The following RNF130 variants were observed in gnomAD, a reference collection of about 807,000 sequenced individuals.
RNF130 encodes the protein E3 ubiquitin-protein ligase RNF130.
Under a neutral mutation model 44.6 loss-of-function variants are expected in RNF130, and 21 were observed. The ratio of observed to expected loss-of-function variants is 0.47; its 90% CI spans 0.33 to 0.68. RNF130 has a LOEUF of 0.68. Ranked by LOEUF, RNF130 falls within the 30% of genes least tolerant of loss-of-function variation. The probability of loss-of-function intolerance (pLI) is 0.02; values close to 1 mark genes in which losing one functional copy is unlikely to be tolerated. For missense variants in RNF130, 479 were observed against 560.6 expected (o/e 0.85, Z 1.47); for synonymous variants, 214 against 210.4 (o/e 1.02, Z -0.15).
downstream of RNF130, among the ~76,000 whole-genome samples, chr5:179,950,173 C>T (rs1762104942): frequency 6.6e-6 from 1 of 151,966 alleles, no homozygotes; most frequent in South Asian, 2.1e-4. Flanking sequence ...AGTGAAATGG[C>T]ATGATCTCAG....
At chr5:179,961,538 C>T (rs1463448251) in intron 8 of RNF130, among the ~76,000 whole-genome samples, 3 of 152,176 alleles carry the variant, frequency 2.0e-5, no homozygotes, top group African/African-American at 4.8e-5. Flanking sequence ...GATGCATGAA[C>T]TGAACATCAG....
chr5:179,927,773 G>A (rs1018549462), intron 7 of RNF130, among the ~76,000 whole-genome samples: 17 of 151,590 alleles, frequency 1.1e-4, no homozygotes, highest in African/African-American at 4.1e-4. Context: ...TGTATTTTTA[G>A]TAGAGATAGG....
intron 2 of RNF130, among the ~76,000 whole-genome samples, chr5:180,036,832 C>T (rs1043952757): frequency 2.5e-5 from 2 of 81,354 alleles, no homozygotes; most frequent in African/African-American, 9.8e-5. Context: ...TCTGTCTACC[C>T]CCACACTCAG....
intron 7 of RNF130, among the ~76,000 whole-genome samples, chr5:179,946,071 A>C (rs996667252): frequency 6.6e-6 from 1 of 152,206 alleles, no homozygotes; most frequent in South Asian, 2.1e-4. Flanking sequence ...CTGTCCTCCA[A>C]GGGACTTTTC....
intron 3 of RNF130, among the ~76,000 whole-genome samples, chr5:179,991,621 C>T (rs1238179555): frequency 6.6e-6 from 1 of 152,142 alleles, no homozygotes; most frequent in East Asian, 1.9e-4. Flanking sequence ...TCCACTTGAT[C>T]TAGATCAGTG....
rs116715504 is a variant in RNF130 at position 179,946,072 on chromosome 5, G to A, written c.1150+20734C>T. ...CCATCAGCGTTTCGCTGTCCTCCAA[G>A]GGACTTTTCAAATGCCATTTGGGCG... On this transcript the variant is annotated intron_variant, in intron 7 of 7. Coordinates refer to the RNF130 transcript ENST00000522208. Among the ~76,000 whole-genome samples, 496 of 152,340 alleles carry A rather than the reference G, an allele frequency of 3.3e-3. 4 individuals carry two copies. The highest frequency in any genetic ancestry group is 0.011 in the African/African-American group (464 of 41,576).
intron 1 of RNF130, among the ~76,000 whole-genome samples, chr5:180,057,308 G>T (rs578213133): frequency 1.8e-4 from 28 of 152,342 alleles, no homozygotes; most frequent in Middle Eastern, 3.4e-3. Flanking sequence ...CAGCACTTTG[G>T]GAGGCCGAGG....
intron 1 of RNF130, among the ~76,000 whole-genome samples, chr5:180,061,974 G>A (rs918643693): frequency 3.9e-5 from 6 of 151,982 alleles, no homozygotes; most frequent in East Asian, 1.9e-4. Context: ...GTCAGAGCCC[G>A]CTGTCTGCTT....
chr5:180,019,371 G>A (rs10045755), intron 2 of RNF130, among the ~76,000 whole-genome samples: 100,335 of 149,518 alleles, frequency 0.67, 33,947 homozygotes, highest in African/African-American at 0.75. Context: ...GCGACAGAGC[G>A]AGACTCTGTC....
intron 1 of RNF130, among the ~76,000 whole-genome samples, chr5:180,056,290 T>G (rs1764820567): frequency 6.6e-6 from 1 of 151,758 alleles, no homozygotes. Flanking sequence ...TGTATGACAT[T>G]TATGAGTTTA....
chr5:179,912,348 A>T (rs1411385413), exon 8 of RNF130: 1 of 152,264 alleles, frequency 6.6e-6, no homozygotes, highest in Non-Finnish European at 1.5e-5. Context: ...CCATACCTCA[A>T]ATCTCATTTC....
intron 5 of RNF130, among the ~76,000 whole-genome samples, chr5:179,972,958 G>C (rs1236439331): frequency 2.6e-5 from 4 of 151,986 alleles, no homozygotes; most frequent in African/African-American, 9.7e-5. Context: ...CTAGGCTGTG[G>C]GGTACTATGA....
intron 3 of RNF130, among the ~76,000 whole-genome samples, chr5:179,999,683 C>T (rs1007263062): frequency 1.3e-5 from 2 of 152,116 alleles, no homozygotes; most frequent in Admixed American, 6.5e-5. Context: ...CACCACTGCA[C>T]TCCAGCCTAG....
intron 7 of RNF130, among the ~76,000 whole-genome samples, chr5:179,920,940 T>C (rs754191378): frequency 6.6e-6 from 1 of 152,026 alleles, no homozygotes; most frequent in Non-Finnish European, 1.5e-5. Context: ...ATTCCCACTG[T>C]GGAAGATGAG....
At chr5:180,000,550 T>C (rs1195283069) in intron 3 of RNF130, among the ~76,000 whole-genome samples, 2 of 152,216 alleles carry the variant, frequency 1.3e-5, no homozygotes, top group East Asian at 3.8e-4. Context: ...TAATGTTCCA[T>C]AAGTTTTGTA....
intron 7 of RNF130, among the ~76,000 whole-genome samples, chr5:179,934,967 A>C (rs1761867376): frequency 6.6e-6 from 1 of 152,108 alleles, no homozygotes; most frequent in Non-Finnish European, 1.5e-5. Flanking sequence ...ACTTTTCGCT[A>C]GGCTTTCGAG....
At position 180,057,023 on chromosome 5, in the gene RNF130, G is replaced by A. The variant is rs1764840696; in HGVS notation, c.247+14433C>T. ...TCCTAACACGTTAGTAATTTCCTGA[G>A]TGACAGGGGTGAGAGGAGCATGTTT... is the stretch of plus-strand genomic sequence containing the variant. On this transcript the variant is annotated intron_variant, in intron 1 of 8. Transcript: ENST00000521389. Among the ~76,000 whole-genome samples, 3 of 152,332 alleles carry A rather than the reference G, an allele frequency of 2.0e-5. No homozygotes were observed. The South Asian group carries it at 6.2e-4, about 32-fold the overall frequency.
At chr5:180,001,108 C>T (rs1440155543) in intron 3 of RNF130, among the ~76,000 whole-genome samples, 5 of 152,142 alleles carry the variant, frequency 3.3e-5, no homozygotes, top group Non-Finnish European at 7.3e-5. Flanking sequence ...TGCAGTGGTA[C>T]AGTCTCTGTG....
intron 7 of RNF130, among the ~76,000 whole-genome samples, chr5:179,934,612 T>TCA (rs1225820278): frequency 6.7e-6 from 1 of 148,696 alleles, no homozygotes; most frequent in Non-Finnish European, 1.5e-5. Flanking sequence ...AGTGGCAAGA[T>TCA]CATCATGGCT....
Sources: allele counts gnomAD v4.1 joint callset (sites outside exome capture counted in the v4.1 genomes callset), GRCh38; gene constraint gnomAD v4.1.1; transcripts MANE v1.5; gene names NCBI Gene and HGNC (gene_info 2026-07-23, HGNC 2026-07-21).